Variants in CSMD1 observed in about 807,000 individuals in gnomAD.
The protein encoded by CSMD1 is CUB and Sushi multiple domains 1, also known as CUB and sushi domain-containing protein 1.
CSMD1 carries 213 observed loss-of-function variants against 417.5 expected under a neutral mutation model. The observed-to-expected ratio is 0.51, with a 90% CI of 0.46 to 0.57. The LOEUF is 0.57. Among genes scored for constraint, CSMD1 ranks in the 20% least tolerant of loss-of-function variants. The pLI is 0.00. For missense variants in CSMD1, 6,923 were observed against 4,529.7 expected (o/e 1.53, Z -15.17); for synonymous variants, 2,862 against 1,736.8 (o/e 1.65, Z -16.11).
At chr8:4,229,842 T>G (rs544452706) in intron 3 of CSMD1, among the ~76,000 whole-genome samples, 1 of 152,210 alleles carries the variant, frequency 6.6e-6, no homozygotes, top group Non-Finnish European at 1.5e-5. Flanking sequence ...GGGCCGGGAT[T>G]TTATCGCTTT....
rs749555971 is a variant in CSMD1 at position 3,343,321 on chromosome 8, C to T, written c.3604G>A (p.Asp1202Asn). ...GTATAGGTGAGTTGAAAACCTTGGT[C>T]GGTGTCAGATCCATTGGTGTTGAAC... ...LEFNTNGSDT[D>N]QGFQLTYTSF... The change falls in exon 23 of 70, where the codon GAC (aspartate) becomes AAC (asparagine). Residue 1202 changes from aspartate (D) to asparagine (N), a missense_variant. Physicochemically the swap from Asp to Asn is conservative, Grantham distance 23. Transcript: ENST00000635120. The T allele has an allele frequency of 9.9e-6, 16 of 1,613,502 alleles. No homozygotes were observed. Among genetic ancestry groups the T allele is most frequent in the African/African-American group, 6.7e-5 (5 of 74,888 alleles).
chr8:3,330,417 A>G (rs1283040894), intron 23 of CSMD1, among the ~76,000 whole-genome samples: 5 of 152,246 alleles, frequency 3.3e-5, no homozygotes, highest in African/African-American at 1.2e-4. Context: ...ACACAGCCAT[A>G]AAAAGGAATG....
At chr8:4,973,689 A>G (rs1225967987) in intron 1 of CSMD1, among the ~76,000 whole-genome samples, 4 of 152,194 alleles carry the variant, frequency 2.6e-5, no homozygotes, top group Non-Finnish European at 5.9e-5. Context: ...TCCTGACCAT[A>G]AGCAGAGCTC....
intron 3 of CSMD1, among the ~76,000 whole-genome samples, chr8:4,296,874 A>T (rs1044996650): frequency 6.6e-6 from 1 of 152,090 alleles, no homozygotes; most frequent in African/African-American, 2.4e-5. Context: ...TAGACTCCCA[A>T]TTTTTTTAAA....
At chr8:4,339,261 A>G (rs1422610461) in intron 3 of CSMD1, among the ~76,000 whole-genome samples, 2 of 152,284 alleles carry the variant, frequency 1.3e-5, no homozygotes, top group Middle Eastern at 3.4e-3. Context: ...GGCCAGAGAC[A>G]AAAGTAGGAA....
chr8:4,374,841 A>C (rs1239828967), intron 3 of CSMD1, among the ~76,000 whole-genome samples: 2 of 151,878 alleles, frequency 1.3e-5, no homozygotes, highest in Non-Finnish European at 2.9e-5. Flanking sequence ...GTCTAGAGTG[A>C]ATTTAAAGAA....
chr8:3,435,610 G>T (rs1024266290), intron 12 of CSMD1, among the ~76,000 whole-genome samples: 2 of 151,970 alleles, frequency 1.3e-5, no homozygotes, highest in South Asian at 4.1e-4. Context: ...CCAACCTAGC[G>T]ACCTTGATGA....
At chr8:3,181,285 A>G in intron 36 of CSMD1, 71 bp from the exon 37 acceptor site, 1 of 1,029,666 alleles carries the variant, frequency 9.7e-7, no homozygotes. Flanking sequence ...AAAACATATG[A>G]GAATACTTAT....
intron 10 of CSMD1, among the ~76,000 whole-genome samples, chr8:3,559,273 T>G (rs566706599): frequency 6.6e-6 from 1 of 152,218 alleles, no homozygotes; most frequent in East Asian, 1.9e-4. Flanking sequence ...TGGAAATAAC[T>G]GCCCTTGGTG....
chr8:3,156,101 T>C (rs1461065962), intron 39 of CSMD1, among the ~76,000 whole-genome samples: 2 of 152,222 alleles, frequency 1.3e-5, no homozygotes, highest in East Asian at 1.9e-4. Flanking sequence ...CTAAACAGAA[T>C]GTGAATAGCT....
intron 12 of CSMD1, among the ~76,000 whole-genome samples, chr8:3,460,293 G>C (rs953579168): frequency 2.6e-5 from 4 of 152,066 alleles, no homozygotes; most frequent in Non-Finnish European, 5.9e-5. Context: ...AGGTAAAAGA[G>C]AGGAAAAAAG....
intron 2 of CSMD1, among the ~76,000 whole-genome samples, chr8:4,429,118 T>C: frequency 6.6e-6 from 1 of 151,568 alleles, no homozygotes; most frequent in East Asian, 1.9e-4. Context: ...TGGTAATCAG[T>C]TTTTTTCTAT....
At chr8:4,453,269 T>C (rs1194674848) in intron 2 of CSMD1, among the ~76,000 whole-genome samples, 2 of 151,126 alleles carry the variant, frequency 1.3e-5, no homozygotes, top group Non-Finnish European at 2.9e-5. Context: ...GTACCTAATG[T>C]AACCAAAACA....
intron 26 of CSMD1, among the ~76,000 whole-genome samples, chr8:3,272,485 G>C (rs1260171310): frequency 1.3e-5 from 2 of 148,814 alleles, no homozygotes; most frequent in East Asian, 2.0e-4. Flanking sequence ...TTGGTAACTT[G>C]AAGGGGATGG....
chr8:3,714,234 TCAGA>T (rs1230358765), intron 6 of CSMD1, among the ~76,000 whole-genome samples: 2 of 150,826 alleles, frequency 1.3e-5, no homozygotes, highest in Non-Finnish European at 2.9e-5. Flanking sequence ...GCTCCCAATG[TCAGA>T]CATACTATTG....
chr8:3,931,450 A>G (rs554323202), intron 5 of CSMD1, among the ~76,000 whole-genome samples: 79 of 150,368 alleles, frequency 5.3e-4, no homozygotes, highest in Non-Finnish European at 9.9e-4. Flanking sequence ...ATGGCTTTTA[A>G]ACCTCCTGAC....
chr8:4,445,283 A>G (rs559897774), intron 2 of CSMD1, among the ~76,000 whole-genome samples: 4 of 152,230 alleles, frequency 2.6e-5, no homozygotes, highest in African/African-American at 9.6e-5. Flanking sequence ...ATTACCTATG[A>G]CATTCCGTTA....
intron 3 of CSMD1, among the ~76,000 whole-genome samples, chr8:4,045,123 C>G (rs1475558969): frequency 1.3e-5 from 2 of 152,128 alleles, no homozygotes; most frequent in East Asian, 1.9e-4. Flanking sequence ...ATGGCAGTCA[C>G]CACCTGTGCC....
At chr8:4,921,094 GAAA>G (rs1289236357) in intron 1 of CSMD1, among the ~76,000 whole-genome samples, 1 of 149,334 alleles carries the variant, frequency 6.7e-6, no homozygotes, top group Admixed American at 6.7e-5. Flanking sequence ...GAAAGAAAAA[GAAA>G]AAAGAAGAAA....
Sources: gnomAD v4.1 joint callset for allele counts (sites outside exome capture counted in the v4.1 genomes callset) on GRCh38, gnomAD v4.1.1 for gene constraint, MANE v1.5 for transcripts, NCBI Gene and HGNC (gene_info 2026-07-23, HGNC 2026-07-21) for gene names.